Variants in PLEKHG7 observed in about 807,000 individuals in gnomAD.
PLEKHG7 encodes the protein pleckstrin homology domain-containing family G member 7.
Under a neutral mutation model 85.2 loss-of-function variants are expected in PLEKHG7, and 77 were observed. The ratio of observed to expected loss-of-function variants is 0.90; its 90% CI spans 0.75 to 1.09. The LOEUF (loss-of-function observed/expected upper bound fraction) is 1.09, where lower values mean the gene tolerates loss of function less well. Among genes scored for constraint, PLEKHG7 ranks in the 50% least tolerant of loss-of-function variants. The pLI, the probability that PLEKHG7 is intolerant of heterozygous loss-of-function variation, is 0.00. For synonymous variants in PLEKHG7, 301 were observed against 302.4 expected (o/e 1.00, Z 0.05); for missense variants, 777 against 804.3 (o/e 0.97, Z 0.41).
At chr12:92,751,532 A>AT (rs34430958) in intron 10 of PLEKHG7, among the ~76,000 whole-genome samples, 73,620 of 147,832 alleles carry the variant, frequency 0.5, 18,710 homozygotes, top group East Asian at 0.88. Flanking sequence ...TGCCTGGCTA[A>AT]TTTTTTTTTT....
At chr12:92,725,487 G>A (rs1252496589) in intron 3 of PLEKHG7, among the ~76,000 whole-genome samples, 1 of 152,132 alleles carries the variant, frequency 6.6e-6, no homozygotes, top group East Asian at 1.9e-4. Context: ...CAAGGTAAGA[G>A]GCGACCATGT....
chr12:92,756,136 C>T (rs1345995479), intron 12 of PLEKHG7, among the ~76,000 whole-genome samples, 162 bp from the exon 13 acceptor site: 1 of 152,116 alleles, frequency 6.6e-6, no homozygotes, highest in Non-Finnish European at 1.5e-5. Flanking sequence ...TTATGATGGT[C>T]CTTCTGAGAG....
Position 92,767,745 on chromosome 12 carries a change from T to C in PLEKHG7, c.1871-1238T>C, listed in dbSNP as rs144512422. ...CAACAGCCCCTCAGATAAGCCTGAG[T>C]TAAACTAACTTCAACAAATACAAAT... On this transcript the variant is annotated intron_variant, in intron 15 of 16. Coordinates refer to ENST00000344636, the MANE Select transcript of PLEKHG7 (RefSeq NM_001377329.1). Among the ~76,000 whole-genome samples the C allele has an allele frequency of 2.2e-3, 342 of 152,262 alleles. 4 individuals carry two copies. The highest frequency in any genetic ancestry group is 7.6e-3 in the African/African-American group (316 of 41,556).
chr12:92,764,987 CTGACTT>C (rs1191418860), intron 15 of PLEKHG7, among the ~76,000 whole-genome samples: 4 of 152,086 alleles, frequency 2.6e-5, no homozygotes, highest in Admixed American at 2.6e-4. Context: ...CAGGTGGGGA[CTGACTT>C]CCTGTCCCCA....
At chr12:92,703,207 C>T (rs1222682469) in intron 1 of PLEKHG7, 75 bp downstream of exon 1, 1 of 152,276 alleles carries the variant, frequency 6.6e-6, no homozygotes, top group African/African-American at 2.4e-5. Flanking sequence ...CTATCAGTTT[C>T]GCTTGTTTTG....
intron 3 of PLEKHG7, among the ~76,000 whole-genome samples, chr12:92,717,508 G>T (rs965752815): frequency 7.2e-5 from 11 of 152,176 alleles, no homozygotes; most frequent in African/African-American, 2.7e-4. Context: ...AATCCACAAA[G>T]TGGAGACACA....
intron 5 of PLEKHG7, among the ~76,000 whole-genome samples, chr12:92,735,213 G>A (rs192173192): frequency 1.3e-5 from 2 of 152,244 alleles, no homozygotes; most frequent in African/African-American, 2.4e-5. Context: ...CAGTCACTAT[G>A]GTTTCAGACA....
At position 92,737,455 on chromosome 12, in the gene PLEKHG7, G is replaced by A. The variant is rs1872190967; in HGVS notation, c.873G>A (p.Glu291=). ...AATTAGACCTGAAAAAGCAGCAAGA[G>A]GCCGTGTGGGAACTTTTCACAAGTG... ...TDQLDLKKQQ[E]AVWELFTSEC... is the part of the protein sequence containing the mutation. The change falls in exon 7 of 17, where the codon GAG becomes GAA. Residue 291 remains glutamate (E), a synonymous_variant. Transcript: ENST00000344636. 1.3e-6 allele frequency: 2 copies of A among 1,589,170 alleles called. No homozygotes were observed.
chr12:92,731,113 C>T (rs957925262), intron 4 of PLEKHG7, among the ~76,000 whole-genome samples: 4 of 152,148 alleles, frequency 2.6e-5, no homozygotes, highest in Admixed American at 6.5e-5. Context: ...ACAAAGCTTT[C>T]CCAAGGCTCC....
At chr12:92,759,733 C>T (rs1396779985) in intron 13 of PLEKHG7, among the ~76,000 whole-genome samples, 1 of 152,178 alleles carries the variant, frequency 6.6e-6, no homozygotes, top group Non-Finnish European at 1.5e-5. Context: ...TTCCCAGGCT[C>T]CAGAACTGTG....
At chr12:92,737,307 A>G in intron 6 of PLEKHG7, 71 bp from the exon 7 acceptor site, 1 of 1,264,324 alleles carries the variant, frequency 7.9e-7, no homozygotes, top group Non-Finnish European at 1.0e-6. Flanking sequence ...ACTGCAAGCC[A>G]AAGCAAATAG....
intron 5 of PLEKHG7, among the ~76,000 whole-genome samples, chr12:92,735,795 GA>G (rs1204952328): frequency 6.6e-6 from 1 of 152,024 alleles, no homozygotes; most frequent in African/African-American, 2.4e-5. Flanking sequence ...AATATGATCA[GA>G]ATACCATATT....
chr12:92,765,014 C>T (rs950459627), intron 15 of PLEKHG7, among the ~76,000 whole-genome samples: 3 of 152,068 alleles, frequency 2.0e-5, no homozygotes. Context: ...TTGGAGGGGC[C>T]GGAAAAGAGA....
chr12:92,760,681 A>G (rs1872961588), intron 13 of PLEKHG7, among the ~76,000 whole-genome samples: 1 of 152,176 alleles, frequency 6.6e-6, no homozygotes, highest in African/African-American at 2.4e-5. Context: ...TAAAATAAGG[A>G]AGGAGATGCC....
chr12:92,711,979 G>C (rs549036233), intron 3 of PLEKHG7, among the ~76,000 whole-genome samples: 1 of 152,170 alleles, frequency 6.6e-6, no homozygotes, highest in Non-Finnish European at 1.5e-5. Context: ...TTGAGGAGGG[G>C]CCAAATGTAG....
intron 10 of PLEKHG7, among the ~76,000 whole-genome samples, chr12:92,748,860 C>A (rs1382842948): frequency 6.6e-6 from 1 of 152,208 alleles, no homozygotes; most frequent in Non-Finnish European, 1.5e-5. Flanking sequence ...CTCGCAGATA[C>A]CCAAGGTGAC....
chr12:92,747,992 T>C (rs753805454), intron 10 of PLEKHG7, among the ~76,000 whole-genome samples: 11 of 152,302 alleles, frequency 7.2e-5, no homozygotes, highest in South Asian at 2.1e-4. Context: ...AGGGTGACTA[T>C]AGTTAACAAT....
rs1184482340 is a variant in PLEKHG7, at chr12:92,714,455, C to T, written c.530+6783C>T. On this transcript the variant is annotated intron_variant, in intron 3 of 16. Transcript: ENST00000344636. The stretch of plus-strand genomic sequence containing the variant: ...AATGCCCTCACTTTAACAGTAGGCA[C>T]CTGGTGGGGCTGTGCATGCACCTTT... Among the ~76,000 whole-genome samples the T allele has an allele frequency of 2.6e-5, 4 of 152,190 alleles. 1 individual carries two copies. The highest frequency in any genetic ancestry group is 6.5e-5 in the Admixed American group (1 of 15,276).
chr12:92,704,811 C>T (rs1230825141), intron 1 of PLEKHG7, among the ~76,000 whole-genome samples: 2 of 152,130 alleles, frequency 1.3e-5, no homozygotes, highest in East Asian at 3.8e-4. Flanking sequence ...CTTCTAGGCT[C>T]AAGGGATCCT....
Sources: allele counts gnomAD v4.1 joint callset (sites outside exome capture counted in the v4.1 genomes callset), GRCh38; gene constraint gnomAD v4.1.1; transcripts MANE v1.5; gene names NCBI Gene and HGNC (gene_info 2026-07-23, HGNC 2026-07-21).